Variants in ERI3 observed in about 807,000 individuals in gnomAD.
ERI3 encodes the protein ERI1 exoribonuclease family member 3.
ERI3 carries 18 observed loss-of-function variants against 44.4 expected under a neutral mutation model. The observed-to-expected ratio is 0.41, with a 90% CI of 0.28 to 0.60. ERI3 has a LOEUF of 0.60. ERI3 is among the 20% of genes least tolerant of loss of function. The pLI is 0.36. For missense variants in ERI3, 294 were observed against 435.5 expected (o/e 0.68, Z 2.89); for synonymous variants, 183 against 164.8 (o/e 1.11, Z -0.84).
chr1:44,269,029 C>A (rs996100723), intron 7 of ERI3, among the ~76,000 whole-genome samples: 2 of 152,200 alleles, frequency 1.3e-5, no homozygotes, highest in Admixed American at 6.5e-5. Flanking sequence ...CAATGCCCTG[C>A]CTTCCCTGGA....
At chr1:44,335,106 G>A (rs1007145337) in intron 3 of ERI3, among the ~76,000 whole-genome samples, 4 of 152,174 alleles carry the variant, frequency 2.6e-5, no homozygotes, top group African/African-American at 7.2e-5. Flanking sequence ...TTAGGAGGCC[G>A]AGGTGGAAGT....
At chr1:44,342,611 T>C (rs986700062) in intron 2 of ERI3, among the ~76,000 whole-genome samples, 4 of 150,050 alleles carry the variant, frequency 2.7e-5, no homozygotes, top group African/African-American at 9.8e-5. Flanking sequence ...CAGGGAGCAG[T>C]AACAATGGCA....
At chr1:44,351,363 C>G (rs1381577210) in intron 2 of ERI3, among the ~76,000 whole-genome samples, 1 of 152,188 alleles carries the variant, frequency 6.6e-6, no homozygotes, top group Non-Finnish European at 1.5e-5. Flanking sequence ...AATCTAATGT[C>G]AGTCTACTGC....
intron 7 of ERI3, 57 bp from the exon 8 acceptor site, chr1:44,248,095 C>T: frequency 8.3e-7 from 1 of 1,205,736 alleles, no homozygotes; most frequent in South Asian, 1.4e-5. Flanking sequence ...ACCAACCCCA[C>T]TCACAAGGTC....
chr1:44,261,156 T>C (rs952061065), intron 7 of ERI3, among the ~76,000 whole-genome samples: 4 of 152,244 alleles, frequency 2.6e-5, no homozygotes, highest in Admixed American at 2.0e-4. Flanking sequence ...AAAGCAATGA[T>C]GTCTCCAAGT....
At chr1:44,246,406 G>A (rs1316400781) in intron 8 of ERI3, among the ~76,000 whole-genome samples, 1 of 152,178 alleles carries the variant, frequency 6.6e-6, no homozygotes, top group Non-Finnish European at 1.5e-5. Context: ...TTACACTGCT[G>A]GGTTTGGCGT....
At chr1:44,267,245 G>C (rs1645007463) in intron 7 of ERI3, among the ~76,000 whole-genome samples, 1 of 152,204 alleles carries the variant, frequency 6.6e-6, no homozygotes, top group African/African-American at 2.4e-5. Context: ...GGTGGATGAA[G>C]AGGGGAAGAT....
intron 7 of ERI3, among the ~76,000 whole-genome samples, chr1:44,253,883 C>A (rs1171799006): frequency 6.6e-6 from 1 of 152,220 alleles, no homozygotes; most frequent in East Asian, 1.9e-4. Context: ...TATAACCACA[C>A]AAGAGATCCT....
intron 7 of ERI3, among the ~76,000 whole-genome samples, chr1:44,259,913 A>AGAT: frequency 6.8e-6 from 1 of 146,796 alleles, no homozygotes; most frequent in Non-Finnish European, 1.5e-5. Context: ...ATAGATAGAT[A>AGAT]GATAGATAGA....
chr1:44,328,010 A>T (rs1193182788), intron 3 of ERI3, among the ~76,000 whole-genome samples: 1 of 152,198 alleles, frequency 6.6e-6, no homozygotes, highest in African/African-American at 2.4e-5. Flanking sequence ...GCTGGGCTAC[A>T]GGAGGCCTTG....
At chr1:44,336,885 C>T (rs1476133150) in intron 3 of ERI3, among the ~76,000 whole-genome samples, 3 of 152,124 alleles carry the variant, frequency 2.0e-5, no homozygotes, top group Non-Finnish European at 4.4e-5. Context: ...TTAATCAGGC[C>T]CAGACCCTGG....
chr1:44,351,621 A>T (rs542513632), intron 2 of ERI3, among the ~76,000 whole-genome samples: 104 of 152,246 alleles, frequency 6.8e-4, no homozygotes, highest in Non-Finnish European at 1.1e-3. Context: ...TTACAGAAAA[A>T]ATTTGCAGAG....
chr1:44,294,936 G>A (rs377709684), intron 6 of ERI3, among the ~76,000 whole-genome samples: 6 of 152,302 alleles, frequency 3.9e-5, no homozygotes, highest in East Asian at 3.9e-4. Flanking sequence ...TCCTCCTAGC[G>A]TTCAGGATCT....
chr1:44,294,558 T>C (rs116600702), intron 6 of ERI3, among the ~76,000 whole-genome samples: 2 of 152,194 alleles, frequency 1.3e-5, no homozygotes, highest in Non-Finnish European at 2.9e-5. Context: ...GTCCTTTCCA[T>C]GGCAACTCAT....
intron 7 of ERI3, among the ~76,000 whole-genome samples, chr1:44,259,349 G>A (rs1644840565): frequency 6.6e-6 from 1 of 152,096 alleles, no homozygotes; most frequent in African/African-American, 2.4e-5. Context: ...GGCATGCTAA[G>A]GCCTGGAAGG....
intron 2 of ERI3, among the ~76,000 whole-genome samples, chr1:44,341,600 T>G (rs1321721815): frequency 6.6e-6 from 1 of 152,182 alleles, no homozygotes; most frequent in Non-Finnish European, 1.5e-5. Context: ...TCAAAAAGCT[T>G]CTTTTGGCCA....
At chr1:44,282,570 G>C in intron 7 of ERI3, among the ~76,000 whole-genome samples, 1 of 152,166 alleles carries the variant, frequency 6.6e-6, no homozygotes, top group Non-Finnish European at 1.5e-5. Flanking sequence ...ACAGCATAAA[G>C]GTCAGAAAGA....
intron 6 of ERI3, among the ~76,000 whole-genome samples, chr1:44,291,642 T>C (rs1645508930): frequency 6.6e-6 from 1 of 152,192 alleles, no homozygotes; most frequent in African/African-American, 2.4e-5. Flanking sequence ...CACTTCAGCC[T>C]ACACAGAAAA....
At chr1:44,265,456 C>T (rs140744491) in intron 7 of ERI3, among the ~76,000 whole-genome samples, 1 of 152,286 alleles carries the variant, frequency 6.6e-6, no homozygotes, top group African/African-American at 2.4e-5. Flanking sequence ...TGAGTACTAT[C>T]CACAGACTAA....
Sources: allele counts gnomAD v4.1 joint callset (sites outside exome capture counted in the v4.1 genomes callset), GRCh38; gene constraint gnomAD v4.1.1; transcripts MANE v1.5; gene names NCBI Gene and HGNC (gene_info 2026-07-23, HGNC 2026-07-21).